RNF185: variants seen among roughly 807,000 people sequenced by gnomAD.
RNF185 encodes ring finger protein 185.
In RNF185, 13 loss-of-function variants were observed where a neutral mutation model predicts 24.9. The ratio of observed to expected loss-of-function variants is 0.52; its 90% CI spans 0.34 to 0.83. The LOEUF (loss-of-function observed/expected upper bound fraction) is 0.83. Ranked by LOEUF, RNF185 falls within the 40% of genes least tolerant of loss-of-function variation. RNF185 has a pLI of 0.01. For missense variants in RNF185, 184 were observed against 244.7 expected, an observed-to-expected ratio of 0.75 and a Z score of 1.65; for synonymous variants, 79 against 90.3, an observed-to-expected ratio of 0.88 and a Z score of 0.71.
At chr22:31,201,408 T>A in intron 5 of RNF185, 90 bp from the exon 6 acceptor site, 2 of 931,680 alleles carry the variant, frequency 2.1e-6, no homozygotes, top group South Asian at 2.6e-5. Context: ...AGGTGCCACA[T>A]GCAAGACAAC....
In RNF185 at chr22:31,187,259, C is replaced by G. The variant is rs776686133; in HGVS notation, c.165C>G (p.Gly55=). 7 of 1,613,956 alleles carry G rather than the reference C, an allele frequency of 4.3e-6. No individual in the cohort carries two copies. In the South Asian group the frequency reaches 7.7e-5, roughly 18 times the overall value. Residue 55 remains glycine (G), a synonymous_variant, in exon 2 of 7, where the codon GGC becomes GGG. Coordinates refer to ENST00000326132, the MANE Select transcript of RNF185 (RefSeq NM_152267.4). ...AGGATGCCGTCATCAGCCTGTGTGG[C>G]CACCTCTTCTGGTCAGTACCCCTAC... ...TAKDAVISLC[G]HLFCWPCLHQ... is the part of the protein sequence containing the mutation.
At chr22:31,181,350 GA>G (rs71757508) in intron 1 of RNF185, among the ~76,000 whole-genome samples, 20,752 of 147,628 alleles carry the variant, frequency 0.14, 1,698 homozygotes, top group East Asian at 0.41. Context: ...TCAAAAAAAA[GA>G]AAAAAAAAAT....
At chr22:31,189,043 G>A (rs1049288472) in intron 2 of RNF185, among the ~76,000 whole-genome samples, 8 of 149,744 alleles carry the variant, frequency 5.3e-5, no homozygotes, top group Non-Finnish European at 4.4e-5. Flanking sequence ...GGAGAATGGC[G>A]TGAACCCGGG....
intron 1 of RNF185, among the ~76,000 whole-genome samples, chr22:31,160,554 A>G (rs1923501494): frequency 1.3e-5 from 2 of 152,330 alleles, no homozygotes; most frequent in African/African-American, 2.4e-5. Context: ...CTTTCGAGGC[A>G]TGGGCACTGA....
chr22:31,189,307 T>G (rs1356855285), intron 2 of RNF185, among the ~76,000 whole-genome samples: 3 of 137,546 alleles, frequency 2.2e-5, no homozygotes, highest in Admixed American at 7.5e-5. Context: ...TTTTTTTTTT[T>G]GTGGAGACAG....
intron 1 of RNF185, among the ~76,000 whole-genome samples, chr22:31,171,525 T>C (rs1381592752): frequency 6.6e-6 from 1 of 150,856 alleles, no homozygotes; most frequent in Non-Finnish European, 1.5e-5. Context: ...ATTCTCTAAG[T>C]GTTTGCCAAA....
chr22:31,171,936 C>G (rs955350515), intron 1 of RNF185, among the ~76,000 whole-genome samples: 1 of 151,932 alleles, frequency 6.6e-6, no homozygotes, highest in Admixed American at 6.6e-5. Flanking sequence ...CCATTGCACT[C>G]CAGCCTGGGC....
At chr22:31,201,270 AT>A (rs1204135931) in intron 5 of RNF185, among the ~76,000 whole-genome samples, 1 of 152,240 alleles carries the variant, frequency 6.6e-6, no homozygotes, top group African/African-American at 2.4e-5. Context: ...CCATTCATAG[AT>A]TCTTAGCTGG....
intron 1 of RNF185, among the ~76,000 whole-genome samples, chr22:31,180,915 CTGTGTGTGTGTG>C (rs567264606): frequency 4.1e-5 from 4 of 96,858 alleles, no homozygotes; most frequent in African/African-American, 1.1e-4. Context: ...CTCTCTCTCT[CTGTGTGTGTGTG>C]TGTGTGTGTG....
chr22:31,197,361 T>G (rs1303831603), intron 5 of RNF185, among the ~76,000 whole-genome samples: 1 of 152,200 alleles, frequency 6.6e-6, no homozygotes, highest in East Asian at 1.9e-4. Context: ...ACTTAGTACC[T>G]TCTTTGTGTG....
chr22:31,192,661 G>C, intron 2 of RNF185, 23 bp from the exon 3 acceptor site: 1 of 1,611,906 alleles, frequency 6.2e-7, no homozygotes, highest in East Asian at 2.2e-5. Context: ...CTTGATGACT[G>C]GTTGCCCTGG....
intron 1 of RNF185, among the ~76,000 whole-genome samples, chr22:31,180,912 TC>T (rs2048029127): frequency 1.5e-5 from 1 of 66,442 alleles, no homozygotes. Flanking sequence ...TTTCTCTCTC[TC>T]TCTGTGTGTG....
At chr22:31,190,688 C>T (rs1174972953) in intron 2 of RNF185, among the ~76,000 whole-genome samples, 1 of 152,046 alleles carries the variant, frequency 6.6e-6, no homozygotes, top group Non-Finnish European at 1.5e-5. Flanking sequence ...ACTGCAACCT[C>T]CACCTCCCAG....
chr22:31,177,944 A>G (rs1346577853), intron 1 of RNF185, among the ~76,000 whole-genome samples: 1 of 152,172 alleles, frequency 6.6e-6, no homozygotes, highest in East Asian at 1.9e-4. Flanking sequence ...AGGGATATTC[A>G]ACTCTCGTGT....
At chr22:31,189,751 G>GC (rs1555882608) in intron 2 of RNF185, among the ~76,000 whole-genome samples, 1 of 151,366 alleles carries the variant, frequency 6.6e-6, no homozygotes, top group African/African-American at 2.4e-5. Context: ...GATTACAGGT[G>GC]CACCCAGCTA....
chr22:31,187,022 C>A, intron 1 of RNF185, 25 bp from the exon 2 acceptor site: 2 of 1,472,928 alleles, frequency 1.4e-6, no homozygotes, highest in Non-Finnish European at 9.2e-7. Context: ...CAGAAATGGA[C>A]AGTCAAGAGT....
At chr22:31,184,679 C>T (rs2078437183) in intron 1 of RNF185, among the ~76,000 whole-genome samples, 1 of 152,178 alleles carries the variant, frequency 6.6e-6, no homozygotes, top group Admixed American at 6.5e-5. Context: ...CTCGGGAGGC[C>T]GAGGCTGGCA....
intron 1 of RNF185, among the ~76,000 whole-genome samples, chr22:31,162,502 G>T (rs1923640501): frequency 6.6e-6 from 1 of 152,038 alleles, no homozygotes; most frequent in South Asian, 2.1e-4. Flanking sequence ...CTTTCTTGGA[G>T]CTTCTCAATG....
intron 2 of RNF185, 47 bp downstream of exon 2, chr22:31,187,317 A>G: frequency 1.2e-6 from 2 of 1,605,796 alleles, no homozygotes; most frequent in South Asian, 2.2e-5. Context: ...CCAAGTTTGG[A>G]AAGCCTGTGG....
Sources: allele counts gnomAD v4.1 joint callset (sites outside exome capture counted in the v4.1 genomes callset), GRCh38; gene constraint gnomAD v4.1.1; transcripts MANE v1.5; gene names NCBI Gene and HGNC (gene_info 2026-07-23, HGNC 2026-07-21).